WNK2: variants seen among roughly 807,000 people sequenced by gnomAD.
The protein encoded by WNK2 is serine/threonine-protein kinase WNK2.
A neutral mutation model predicts 192.1 loss-of-function variants in WNK2; 67 were observed. That is an observed-to-expected ratio of 0.35 (90% CI 0.29 to 0.43). The LOEUF is 0.43. Ranked by LOEUF, WNK2 falls within the 20% of genes least tolerant of loss-of-function variation. The pLI is 1.00. For missense variants in WNK2, 2,698 were observed against 3,089.7 expected (o/e 0.87, Z 3.01); for synonymous variants, 1,439 against 1,393.9 (o/e 1.03, Z -0.72).
In WNK2 at chr9:93,306,832, G is replaced by C. The variant is rs186537291; in HGVS notation, c.6259+11G>C. ...AAGAACACAGCAGTAGTAATTATCC[G>C]GGTTTTTTCCCCTTTGTCCTCTCTC... is the stretch of plus-strand genomic sequence containing the variant. On this transcript the variant is annotated intron_variant, in intron 27 of 29. Transcript: ENST00000427277. The C allele has an allele frequency of 7.4e-6, 12 of 1,614,064 alleles. 1 individual carries two copies. The Admixed American group carries it at 1.8e-4, about 25-fold the overall frequency.
At chr9:93,237,966 C>T (rs776360956) in intron 5 of WNK2, among the ~76,000 whole-genome samples, 9 of 152,058 alleles carry the variant, frequency 5.9e-5, no homozygotes, top group Non-Finnish European at 8.8e-5. Context: ...CCACAGGGCT[C>T]TGCTGGTTTA....
chr9:93,241,276 G>C (rs376821931), intron 7 of WNK2, among the ~76,000 whole-genome samples: 1 of 152,222 alleles, frequency 6.6e-6, no homozygotes, highest in Admixed American at 6.5e-5. Context: ...AAGTCACAAC[G>C]GGGAAGACCA....
intron 9 of WNK2, among the ~76,000 whole-genome samples, 156 bp from the exon 10 acceptor site, chr9:93,256,143 C>T (rs1843250683): frequency 6.6e-6 from 1 of 152,156 alleles, no homozygotes; most frequent in Non-Finnish European, 1.5e-5. Flanking sequence ...GAATGATGCC[C>T]AGGGCTCCCT....
In WNK2 at chr9:93,317,503, GTC is replaced by G. The variant is rs781163381; in HGVS notation, c.6517-13_6517-12del. 2.0e-5 allele frequency: 32 copies of G among 1,612,838 alleles called. No homozygotes were observed. The African/African-American group carries it at 4.0e-4, about 20-fold the overall frequency. On this transcript the variant is annotated splice_polypyrimidine_tract_variant and intron_variant, in intron 28 of 29. Coordinates refer to ENST00000427277, the MANE Select transcript of WNK2 (RefSeq NM_006648.4). ...CAGCCACGTGTACCTTCCTCTTCTC[GTC>G]TCTGTGTTTTGTAGATGACCGCACC...
chr9:93,300,508 G>A (rs560499999), intron 26 of WNK2, among the ~76,000 whole-genome samples: 1 of 152,074 alleles, frequency 6.6e-6, no homozygotes, highest in East Asian at 1.9e-4. Context: ...TATGTTGGAT[G>A]TAGTTTTTTT....
chr9:93,292,539 G>A lies in WNK2; in HGVS notation c.5074G>A (p.Asp1692Asn). 1 of 1,577,388 alleles carries A rather than the reference G, an allele frequency of 6.3e-7. No individual in the cohort carries two copies. Among genetic ancestry groups the A allele is most frequent in the Non-Finnish European group, 8.6e-7 (1 of 1,159,454 alleles). Residue 1692 changes from aspartate to asparagine, a missense_variant, in exon 23 of 30, where the codon GAT becomes AAT. Physicochemically the swap from Asp to Asn is conservative, Grantham distance 23. This residue lies in a region of WNK2 where 1,098 missense variants were observed against 1,101.0 expected (regional missense o/e 1.00). Transcript: ENST00000427277. ...TGCACGTGTGGAGCCCACAGACAGGGATGGTGGAGAAGCTGGAGAAAGCTC... is the reference window on the plus strand; with the variant it reads ...TGCACGTGTGGAGCCCACAGACAGGAATGGTGGAGAAGCTGGAGAAAGCTC... The part of the protein sequence containing the change: ...RPARVEPTDR[D>N]GGEAGESSAE...
chr9:93,313,854 A>G (rs1854108123), intron 28 of WNK2, among the ~76,000 whole-genome samples: 1 of 152,200 alleles, frequency 6.6e-6, no homozygotes, highest in African/African-American at 2.4e-5. Flanking sequence ...ATGGCTGGCC[A>G]TGGTAGCTCA....
chr9:93,208,135 C>T (rs1231018964), intron 2 of WNK2, among the ~76,000 whole-genome samples: 3 of 152,226 alleles, frequency 2.0e-5, no homozygotes, highest in Non-Finnish European at 4.4e-5. Context: ...GTTGGTTTCA[C>T]TGTGGCGGAG....
chr9:93,306,307 T>G (rs1852524040), intron 26 of WNK2, among the ~76,000 whole-genome samples: 1 of 152,170 alleles, frequency 6.6e-6, no homozygotes, highest in African/African-American at 2.4e-5. Context: ...ATGTATCTTT[T>G]TGCACTTGGA....
At chr9:93,219,813 G>A (rs564804137) in intron 2 of WNK2, among the ~76,000 whole-genome samples, 21 of 152,372 alleles carry the variant, frequency 1.4e-4, no homozygotes, top group Admixed American at 6.5e-4. Flanking sequence ...TTGCCCACCT[G>A]CTTCCTCGCT....
chr9:93,285,597 A>T (rs1848337094), intron 19 of WNK2, among the ~76,000 whole-genome samples: 1 of 152,266 alleles, frequency 6.6e-6, no homozygotes, highest in Admixed American at 6.5e-5. Flanking sequence ...GAAGATATGT[A>T]CCATATTCAT....
rs751794646 is a variant in WNK2, at chr9:93,289,374, C to G, written c.4620C>G (p.Pro1540=). 4 of 1,612,224 alleles carry G rather than the reference C, an allele frequency of 2.5e-6. No individual in the cohort carries two copies. The highest frequency in any genetic ancestry group is 1.1e-5 in the South Asian group (1 of 91,050). The change falls in exon 20 of 30, where the codon CCC becomes CCG. Residue 1540 remains proline (P), a synonymous_variant. Coordinates refer to ENST00000427277, the MANE Select transcript of WNK2 (RefSeq NM_006648.4). ...ALESDGEGPP[P]RVGFVDSTIK... is the part of the protein sequence containing the mutation. ...AGTCGGATGGGGAAGGGCCGCCCCCCAGGGTGGGCTTTGTGGACAGCACCA... is the reference window on the plus strand; with the variant it reads ...AGTCGGATGGGGAAGGGCCGCCCCCGAGGGTGGGCTTTGTGGACAGCACCA...
At chr9:93,284,981 A>G (rs1344658477) in intron 19 of WNK2, among the ~76,000 whole-genome samples, 1 of 152,266 alleles carries the variant, frequency 6.6e-6, no homozygotes, top group Non-Finnish European at 1.5e-5. Context: ...AATGCATGTC[A>G]CATAGTAGAC....
At chr9:93,282,808 C>G (rs1025336478) in intron 19 of WNK2, among the ~76,000 whole-genome samples, 3 of 152,158 alleles carry the variant, frequency 2.0e-5, no homozygotes, top group African/African-American at 7.2e-5. Context: ...GAATTAGTAT[C>G]TTATATATAC....
chr9:93,242,113 T>C (rs946896240), intron 7 of WNK2, among the ~76,000 whole-genome samples: 2 of 152,182 alleles, frequency 1.3e-5, no homozygotes, highest in Non-Finnish European at 2.9e-5. Flanking sequence ...GGGCCAGGGC[T>C]CTGCCTTCCC....
Position 93,289,563 on chromosome 9 carries a change from C to T in WNK2, c.4809C>T (p.Ala1603=), listed in dbSNP as rs1333680829. The change falls in exon 20 of 30, where the codon GCC becomes GCT. Residue 1603 remains alanine (A), a synonymous_variant. Coordinates refer to ENST00000427277, the MANE Select transcript of WNK2 (RefSeq NM_006648.4). Reference sequence around the variant, plus strand: ...CAGAGGTCTGCGGGGGGGACCTGGCCCTGCCCCCAGTGCCTAAGGAGGCGG... The same window carrying T: ...CAGAGGTCTGCGGGGGGGACCTGGCTCTGCCCCCAGTGCCTAAGGAGGCGG... ...PRSEVCGGDL[A]LPPVPKEAVS... 6.5e-7 allele frequency: 1 copy of T among 1,545,648 alleles called. No homozygotes were observed. Among genetic ancestry groups the T allele is most frequent in the South Asian group, 1.2e-5 (1 of 82,904 alleles).
intron 12 of WNK2, among the ~76,000 whole-genome samples, chr9:93,260,947 C>A (rs1175388656): frequency 6.6e-6 from 1 of 152,144 alleles, no homozygotes; most frequent in East Asian, 1.9e-4. Flanking sequence ...CAGAGGGGTG[C>A]CTTGTGACAT....
intron 8 of WNK2, among the ~76,000 whole-genome samples, chr9:93,251,512 C>T (rs1057444821): frequency 2.4e-4 from 36 of 152,210 alleles, no homozygotes; most frequent in African/African-American, 8.7e-4. Context: ...GGGTTCGAGA[C>T]CAGTCTGGGC....
chr9:93,205,981 C>T (rs1833302039), intron 2 of WNK2, among the ~76,000 whole-genome samples: 1 of 148,954 alleles, frequency 6.7e-6, no homozygotes, highest in Non-Finnish European at 1.5e-5. Flanking sequence ...GGGGACACCC[C>T]TGGAGGCAAT....
Sources: allele counts gnomAD v4.1 joint callset (sites outside exome capture counted in the v4.1 genomes callset), GRCh38; gene constraint gnomAD v4.1.1; regional missense constraint gnomAD v4.1.1; transcripts MANE v1.5; gene names NCBI Gene and HGNC (gene_info 2026-07-23, HGNC 2026-07-21).